The following POC1A variants were observed in gnomAD, a reference collection of about 807,000 sequenced individuals.
POC1A encodes the protein POC1 centriolar protein A.
A neutral mutation model predicts 47.8 loss-of-function variants in POC1A; 34 were observed. The ratio of observed to expected loss-of-function variants is 0.71; its 90% confidence interval spans 0.54 to 0.95. The LOEUF (loss-of-function observed/expected upper bound fraction) is 0.95, where lower values mean the gene tolerates loss of function less well. Ranked by LOEUF, POC1A falls within the 40% of genes least tolerant of loss-of-function variation. The probability of loss-of-function intolerance (pLI) is 0.00; values close to 1 mark genes in which losing one functional copy is unlikely to be tolerated. For synonymous variants in POC1A, 177 were observed against 207.6 expected (o/e 0.85, Z 1.27); for missense variants, 466 against 528.3 (o/e 0.88, Z 1.16).
chr3:52,144,664 T>C (rs1423702847), intron 6 of POC1A, among the ~76,000 whole-genome samples: 3 of 152,182 alleles, frequency 2.0e-5, no homozygotes, highest in East Asian at 3.8e-4. Flanking sequence ...GGCCCCATCA[T>C]TGTCCCAGAG....
chr3:52,120,024 G>A (rs920676331), intron 9 of POC1A, among the ~76,000 whole-genome samples: 17 of 152,190 alleles, frequency 1.1e-4, no homozygotes, highest in African/African-American at 3.9e-4. Flanking sequence ...ATACGGTCTC[G>A]GTGCCAGGGA....
intron 6 of POC1A, among the ~76,000 whole-genome samples, chr3:52,145,370 C>T (rs1189688045): frequency 6.6e-6 from 1 of 152,224 alleles, no homozygotes; most frequent in African/African-American, 2.4e-5. Context: ...CTGCGGAGGA[C>T]ACTGTAAGAC....
At chr3:52,149,538 T>C in intron 3 of POC1A, 149 bp from the exon 4 acceptor site, 2 of 708,744 alleles carry the variant, frequency 2.8e-6, no homozygotes, top group Non-Finnish European at 2.3e-6. Context: ...AGCCAGAGCC[T>C]CTCCTATATG....
chr3:52,089,279 TA>T (rs1055028708), intron 10 of POC1A, among the ~76,000 whole-genome samples: 2 of 151,836 alleles, frequency 1.3e-5, no homozygotes, highest in African/African-American at 2.4e-5. Context: ...CCAAAAATAG[TA>T]ACAGGGCTGG....
intron 10 of POC1A, 96 bp from the exon 11 acceptor site, chr3:52,076,081 C>G: frequency 4.6e-6 from 4 of 868,798 alleles, no homozygotes; most frequent in Non-Finnish European, 7.7e-6. Flanking sequence ...GCCTCAGCCA[C>G]TGCCCAAATG....
At chr3:52,140,406 C>G (rs1008822200) in intron 6 of POC1A, among the ~76,000 whole-genome samples, 4 of 152,202 alleles carry the variant, frequency 2.6e-5, no homozygotes, top group African/African-American at 7.2e-5. Context: ...CACCTCCACC[C>G]CTCCATGAGC....
In POC1A at chr3:52,075,917, C is replaced by T. The variant is rs1409241986; in HGVS notation, c.1194G>A (p.Gln398=). The T allele has an allele frequency of 6.2e-7, 1 of 1,613,998 alleles. No homozygotes were observed. The highest frequency in any genetic ancestry group is 8.5e-7 in the Non-Finnish European group (1 of 1,179,838). ...GTGTTGCTCTCTGCATGATTAGCTG[C>T]TGGTTCTCCAGACACTGCTTCAGCT... ...EDKLKQCLEN[Q]QLIMQRATP The change falls in exon 11 of 11, where the codon CAG becomes CAA. Residue 398 remains glutamine, a synonymous_variant. Transcript: ENST00000296484.
chr3:52,140,872 G>A (rs1325471553), intron 6 of POC1A, among the ~76,000 whole-genome samples: 1 of 152,220 alleles, frequency 6.6e-6, no homozygotes, highest in Non-Finnish European at 1.5e-5. Flanking sequence ...AGTCTACCAC[G>A]AAGGCTAGGC....
At chr3:52,130,325 C>T (rs1704165074) in intron 7 of POC1A, among the ~76,000 whole-genome samples, 1 of 152,202 alleles carries the variant, frequency 6.6e-6, no homozygotes, top group Admixed American at 6.5e-5. Context: ...TGTGCTCAGA[C>T]AGAGAGACAA....
rs1372894315 is a variant in POC1A at position 52,096,659 on chromosome 3, C to T, written c.1035G>A (p.Val345=). The T allele has an allele frequency of 2.5e-6, 4 of 1,612,014 alleles. No individual in the cohort carries two copies. The highest frequency in any genetic ancestry group is 2.2e-5 in the South Asian group (2 of 90,928). ...PPGRGRSVES[V]QSQPQEPVSV... Reference sequence around the variant, plus strand: ...TCACGGGCTCCTGGGGCTGGCTCTGCACAGACTCCACACTCCTGCCTCTGC... The same window carrying T: ...TCACGGGCTCCTGGGGCTGGCTCTGTACAGACTCCACACTCCTGCCTCTGC... The change falls in exon 10 of 11, where the codon GTG becomes GTA. Residue 345 remains valine, a synonymous_variant. Transcript: ENST00000296484.
intron 2 of POC1A, among the ~76,000 whole-genome samples, chr3:52,150,437 C>T (rs959481904): frequency 1.3e-5 from 2 of 152,186 alleles, no homozygotes; most frequent in African/African-American, 4.8e-5. Context: ...TCCCTCTTAA[C>T]CTTTACACAT....
In POC1A at chr3:52,090,157, C is replaced by T. The variant is rs550697314; in HGVS notation, c.1125+6412G>A. The stretch of plus-strand genomic sequence containing the variant: ...GGTGGGCTTGCTCCCTGCCTGCTCC[C>T]CACCGCATGCATTTTCAAGTCCTGG... On this transcript the variant is annotated intron_variant, in intron 10 of 10. Coordinates refer to ENST00000296484, the MANE Select transcript of POC1A (RefSeq NM_015426.5). This position sits in a 1 kb window ranked among gnomAD's most constrained non-coding sequence, Gnocchi z 4.2. Among the ~76,000 whole-genome samples, 33 of 152,296 alleles carry T rather than the reference C, an allele frequency of 2.2e-4. No homozygotes were observed. The highest frequency in any genetic ancestry group is 7.5e-4 in the African/African-American group (31 of 41,558).
chr3:52,127,692 C>A lies in POC1A; in HGVS notation c.814-2511G>T, dbSNP rs1176197696. Among the ~76,000 whole-genome samples, 3 of 150,758 alleles carry A rather than the reference C, an allele frequency of 2.0e-5. No homozygotes were observed. In the East Asian group the frequency reaches 5.8e-4, roughly 29 times the overall value. On this transcript the variant is annotated intron_variant, in intron 7 of 10. Coordinates refer to ENST00000296484, the MANE Select transcript of POC1A (RefSeq NM_015426.5). ...ATAGATGTGGGCCACTGCACCCAGT[C>A]ACAAACCTTTTTTTTTTTTTTGAGA...
At chr3:52,096,483 A>T (rs1577827123) in intron 10 of POC1A, 86 bp downstream of exon 10, 2 of 1,146,744 alleles carry the variant, frequency 1.7e-6, no homozygotes, top group African/African-American at 3.2e-5. Context: ...TTAAAAATCC[A>T]GCACCTGTTG....
chr3:52,116,897 A>T (rs1431394550), intron 9 of POC1A, among the ~76,000 whole-genome samples: 1 of 152,120 alleles, frequency 6.6e-6, no homozygotes, highest in Non-Finnish European at 1.5e-5. Context: ...CAAAAAATTT[A>T]AAAAATTAGG....
At chr3:52,151,141 G>T in intron 1 of POC1A, 41 bp from the exon 2 acceptor site, 1 of 1,612,164 alleles carries the variant, frequency 6.2e-7, no homozygotes, top group Non-Finnish European at 8.5e-7. Context: ...GCCTGGGTGA[G>T]GAAGGGGCTT....
At chr3:52,143,776 G>A (rs1045521111) in intron 6 of POC1A, among the ~76,000 whole-genome samples, 1 of 152,172 alleles carries the variant, frequency 6.6e-6, no homozygotes, top group African/African-American at 2.4e-5. Flanking sequence ...AGCAGGCTCT[G>A]GACACCGCTA....
chr3:52,138,838 A>G (rs1317225777), intron 6 of POC1A, among the ~76,000 whole-genome samples: 1 of 151,998 alleles, frequency 6.6e-6, no homozygotes, highest in Non-Finnish European at 1.5e-5. Flanking sequence ...GGCTCACCCC[A>G]TGACGTTTTT....
At chr3:52,146,377 T>C (rs938824644) in intron 5 of POC1A, among the ~76,000 whole-genome samples, 8 of 152,194 alleles carry the variant, frequency 5.3e-5, no homozygotes, top group African/African-American at 1.9e-4. Flanking sequence ...GCCCACCCCT[T>C]TCTAGGAGAC....
Sources: allele counts gnomAD v4.1 joint callset (sites outside exome capture counted in the v4.1 genomes callset), GRCh38; gene constraint gnomAD v4.1.1; non-coding constraint Gnocchi (gnomAD v3.1); transcripts MANE v1.5; gene names NCBI Gene and HGNC (gene_info 2026-07-23, HGNC 2026-07-21).